XCR1: variants seen among roughly 807,000 people sequenced by gnomAD.
XCR1 encodes chemokine XC receptor 1.
For missense variants in XCR1, 356 were observed against 424.2 expected, an observed-to-expected ratio of 0.84 and a Z score of 1.41; for synonymous variants, 187 against 188.5, an observed-to-expected ratio of 0.99 and a Z score of 0.06.
intron 5 of XCR1, among the ~76,000 whole-genome samples, chr3:46,041,703 C>G (rs1036618214): frequency 5.3e-5 from 8 of 152,170 alleles, no homozygotes; most frequent in Non-Finnish European, 1.2e-4. Context: ...TTGAAACTTA[C>G]ATTTGTTTTA....
chr3:46,054,911 C>T (rs1559489434), intron 4 of XCR1, among the ~76,000 whole-genome samples: 1 of 152,172 alleles, frequency 6.6e-6, no homozygotes, highest in East Asian at 1.9e-4. Flanking sequence ...CAGTCAAATG[C>T]ACCTAGGAGC....
chr3:46,058,514 A>G (rs1697896569), intron 4 of XCR1, among the ~76,000 whole-genome samples: 1 of 152,152 alleles, frequency 6.6e-6, no homozygotes, highest in South Asian at 2.1e-4. Flanking sequence ...CTGTATTACA[A>G]TGCAAATTGA....
chr3:46,082,112 A>C (rs1326369849), intron 1 of XCR1, among the ~76,000 whole-genome samples: 2 of 152,172 alleles, frequency 1.3e-5, no homozygotes, highest in Non-Finnish European at 1.5e-5. Context: ...ACCCTACCTG[A>C]GGGGACGTCT....
At chr3:46,032,409 C>T (rs1164531839), upstream of XCR1, among the ~76,000 whole-genome samples, 1 of 152,234 alleles carries the variant, frequency 6.6e-6, no homozygotes, top group African/African-American at 2.4e-5. Flanking sequence ...CCTGGAGCTG[C>T]CCACCCCACA....
rs1708106186 is a variant in XCR1, at chr3:46,019,771, G to T, written c.*1175C>A. ...ATGGACTTCATTTGTAAGTAATGAG[G>T]AGCCACTAAGGGTTTTGAAGCACCT... On this transcript the variant is annotated 3_prime_UTR_variant, in exon 2 of 2. Transcript: ENST00000309285. 1 of 152,228 alleles carries T rather than the reference G, an allele frequency of 6.6e-6. No individual in the cohort carries two copies. Among genetic ancestry groups the T allele is most frequent in the South Asian group, 2.1e-4 (1 of 4,834 alleles). 9.4% of individuals were successfully genotyped at this position (152,228 alleles called of 1,614,324 possible). A position where few individuals can be genotyped will look rare whatever the true frequency, so the allele number is the denominator to read the frequency against.
intron 5 of XCR1, among the ~76,000 whole-genome samples, chr3:46,050,765 G>A (rs560931256): frequency 6.6e-6 from 1 of 152,220 alleles, no homozygotes; most frequent in East Asian, 1.9e-4. Context: ...TGTAAGGAGG[G>A]TATAGTAAAG....
At chr3:46,071,759 T>A (rs1210242469) in intron 3 of XCR1, among the ~76,000 whole-genome samples, 2 of 152,112 alleles carry the variant, frequency 1.3e-5, no homozygotes, top group Non-Finnish European at 2.9e-5. Context: ...AAATTCAGCA[T>A]CACCTCATGA....
chr3:46,039,515 T>C (rs1039525646), intron 5 of XCR1, among the ~76,000 whole-genome samples: 2 of 152,248 alleles, frequency 1.3e-5, no homozygotes, highest in Non-Finnish European at 2.9e-5. Context: ...CATGTTAGAA[T>C]GATAGGACTT....
chr3:46,023,551 G>A, intron 1 of XCR1: 1 of 1,529,162 alleles, frequency 6.5e-7, no homozygotes, highest in Non-Finnish European at 9.0e-7. Flanking sequence ...AAGATTGAAA[G>A]CCTAGCAGAA....
chr3:46,081,451 C>G (rs963050048), intron 1 of XCR1, among the ~76,000 whole-genome samples: 1 of 152,186 alleles, frequency 6.6e-6, no homozygotes, highest in Non-Finnish European at 1.5e-5. Context: ...CCATTACTGC[C>G]ACAGTCTCAG....
chr3:46,034,186 G>A (rs1697373872), intron 5 of XCR1, among the ~76,000 whole-genome samples: 1 of 152,052 alleles, frequency 6.6e-6, no homozygotes, highest in Non-Finnish European at 1.5e-5. Flanking sequence ...TGGTCAGGAT[G>A]GTCTCGAACT....
At chr3:46,037,788 T>G in intron 5 of XCR1, among the ~76,000 whole-genome samples, 1 of 152,222 alleles carries the variant, frequency 6.6e-6, no homozygotes, top group East Asian at 1.9e-4. Context: ...CAATTCTTTT[T>G]TAATACAATT....
intron 5 of XCR1, among the ~76,000 whole-genome samples, chr3:46,040,659 T>C (rs1697524633): frequency 6.8e-6 from 1 of 147,940 alleles, no homozygotes; most frequent in African/African-American, 2.6e-5. Flanking sequence ...CAAATTTCCT[T>C]GTCAACTGTG....
intron 1 of XCR1, among the ~76,000 whole-genome samples, chr3:46,085,431 T>C (rs1698456640): frequency 6.6e-6 from 1 of 152,216 alleles, no homozygotes; most frequent in African/African-American, 2.4e-5. Flanking sequence ...TTCGATCTTA[T>C]CATGACAATT....
chr3:46,044,820 G>A (rs12107288), intron 5 of XCR1, among the ~76,000 whole-genome samples: 13,021 of 152,148 alleles, frequency 0.086, 1,889 homozygotes, highest in African/African-American at 0.3. Context: ...CAGAATATGG[G>A]TAGGCCTATA....
At chr3:46,054,087 A>G (rs1223542686) in intron 4 of XCR1, among the ~76,000 whole-genome samples, 1 of 152,216 alleles carries the variant, frequency 6.6e-6, no homozygotes, top group Non-Finnish European at 1.5e-5. Context: ...AAAGGGGGGC[A>G]AACGCGGGAA....
intron 4 of XCR1, among the ~76,000 whole-genome samples, chr3:46,054,665 A>G (rs1697819334): frequency 6.6e-6 from 1 of 152,166 alleles, no homozygotes; most frequent in African/African-American, 2.4e-5. Flanking sequence ...CAAGGAAGAA[A>G]GCTTTAATCA....
intron 4 of XCR1, among the ~76,000 whole-genome samples, chr3:46,066,544 C>G (rs145462705): frequency 6.6e-6 from 1 of 152,300 alleles, no homozygotes; most frequent in Non-Finnish European, 1.5e-5. Context: ...CGCCCAGCCA[C>G]AGCCATCATT....
chr3:46,031,515 G>T (rs959150312), upstream of XCR1, among the ~76,000 whole-genome samples: 6 of 152,342 alleles, frequency 3.9e-5, no homozygotes, highest in Middle Eastern at 6.8e-3. Flanking sequence ...GGCTGAGGAG[G>T]GGGGCGCTGA....
Sources: allele counts gnomAD v4.1 joint callset (sites outside exome capture counted in the v4.1 genomes callset), GRCh38; gene constraint gnomAD v4.1.1; transcripts MANE v1.5; gene names NCBI Gene and HGNC (gene_info 2026-07-23, HGNC 2026-07-21).